Variants in GRM3 observed in about 807,000 individuals in gnomAD.
The protein encoded by GRM3 is metabotropic glutamate receptor 3.
A neutral mutation model predicts 70.5 loss-of-function variants in GRM3; 26 were observed. The ratio of observed to expected loss-of-function variants is 0.37; its 90% CI spans 0.27 to 0.51. The LOEUF is 0.51. Ranked by LOEUF, GRM3 falls within the 20% of genes least tolerant of loss-of-function variation. The pLI, the probability that GRM3 is intolerant of heterozygous loss-of-function variation, is 0.93. For missense variants in GRM3, 859 were observed against 1,123.8 expected (o/e 0.76, Z 3.37); for synonymous variants, 443 against 434.9 (o/e 1.02, Z -0.23).
At chr7:86,805,709 T>A (rs187677617) in intron 3 of GRM3, among the ~76,000 whole-genome samples, 1 of 152,320 alleles carries the variant, frequency 6.6e-6, no homozygotes, top group East Asian at 1.9e-4. Context: ...AGTTTGCTTC[T>A]TTCAATTAGC....
intron 3 of GRM3, among the ~76,000 whole-genome samples, chr7:86,821,934 A>G (rs1798129333): frequency 1.3e-5 from 2 of 151,638 alleles, no homozygotes; most frequent in Admixed American, 6.6e-5. Context: ...CATCTGGCTT[A>G]GAGCAACTTT....
rs67046105 is a variant in GRM3 at position 86,801,064 on chromosome 7, CTTTTTT to C, written c.1324+13967_1324+13972del. ...TATGTTTTACCACGGCAAACTTCTTCTTTTTTTTTTTTTTTTTTTTTTTTGAGACAC... is the reference window on the plus strand; with the variant it reads ...TATGTTTTACCACGGCAAACTTCTTCTTTTTTTTTTTTTTTTTTGAGACAC... On this transcript the variant is annotated intron_variant, in intron 3 of 5. Transcript: ENST00000361669. Among the ~76,000 whole-genome samples, 3 of 86,826 alleles carry C rather than the reference CTTTTTT, an allele frequency of 3.5e-5. No homozygotes were observed. The South Asian group carries it at 1.3e-3, about 36-fold the overall frequency. The allele number at this position is 86,826 out of a possible 152,430, so 57.0% of individuals were successfully genotyped here.
In GRM3 at chr7:86,710,849, G is replaced by A. The variant is rs113497885; in HGVS notation, c.-140-54157G>A. On this transcript the variant is annotated intron_variant, in intron 1 of 5. Coordinates refer to ENST00000361669, the MANE Select transcript of GRM3 (RefSeq NM_000840.3). ...GTCAAATATAACAATAAACCAAAAG[G>A]TAGATTGTTATTATTATTATCTACA... is the stretch of plus-strand genomic sequence containing the variant. Among the ~76,000 whole-genome samples, 934 of 151,982 alleles carry A rather than the reference G, an allele frequency of 6.1e-3. 11 individuals carry two copies. The highest frequency in any genetic ancestry group is 0.021 in the African/African-American group (879 of 41,464).
chr7:86,771,249 A>G (rs1796732265), intron 2 of GRM3, among the ~76,000 whole-genome samples: 1 of 152,106 alleles, frequency 6.6e-6, no homozygotes, highest in Admixed American at 6.6e-5. Flanking sequence ...TAACATTATA[A>G]TTATATGTCA....
At chr7:86,795,253 T>TTTTTA (rs67329784) in intron 3 of GRM3, among the ~76,000 whole-genome samples, 11,492 of 123,934 alleles carry the variant, frequency 0.093, 906 homozygotes, top group East Asian at 0.14. Flanking sequence ...TCTAGGTTAG[T>TTTTTA]TTTTATTTTA....
chr7:86,651,515 T>C (rs1793605311), intron 1 of GRM3, among the ~76,000 whole-genome samples: 1 of 152,240 alleles, frequency 6.6e-6, no homozygotes, highest in South Asian at 2.1e-4. Flanking sequence ...TTGGAATTTA[T>C]ATCTGCCTCA....
At chr7:86,650,207 T>C (rs561035579) in intron 1 of GRM3, among the ~76,000 whole-genome samples, 3 of 152,240 alleles carry the variant, frequency 2.0e-5, no homozygotes, top group Non-Finnish European at 2.9e-5. Flanking sequence ...CCTCATTTTA[T>C]ACAGAAGAGG....
chr7:86,790,368 A>G (rs767644939), intron 3 of GRM3, among the ~76,000 whole-genome samples: 1 of 152,140 alleles, frequency 6.6e-6, no homozygotes, highest in Non-Finnish European at 1.5e-5. Context: ...ATGACTTATC[A>G]TCTTCTCAAC....
intron 1 of GRM3, among the ~76,000 whole-genome samples, chr7:86,709,863 G>A (rs1417332379): frequency 1.3e-5 from 2 of 152,082 alleles, no homozygotes; most frequent in Non-Finnish European, 2.9e-5. Flanking sequence ...AGACAAGAGT[G>A]GAAGAGAGAC....
chr7:86,692,909 A>G (rs772283302), intron 1 of GRM3, among the ~76,000 whole-genome samples: 4 of 152,024 alleles, frequency 2.6e-5, no homozygotes, highest in Non-Finnish European at 1.5e-5. Flanking sequence ...ATGAAAAGAC[A>G]TTTTATTTTG....
At chr7:86,694,141 T>C (rs896065256) in intron 1 of GRM3, among the ~76,000 whole-genome samples, 3 of 152,168 alleles carry the variant, frequency 2.0e-5, no homozygotes, top group African/African-American at 4.8e-5. Flanking sequence ...CTCACTTAGA[T>C]GCATACAGTT....
At chr7:86,809,426 T>C (rs983400258) in intron 3 of GRM3, among the ~76,000 whole-genome samples, 6 of 152,044 alleles carry the variant, frequency 3.9e-5, no homozygotes, top group African/African-American at 1.4e-4. Flanking sequence ...GATAATAGGA[T>C]ATTATTCTCT....
At chr7:86,659,297 C>T (rs985936398) in intron 1 of GRM3, among the ~76,000 whole-genome samples, 1 of 152,134 alleles carries the variant, frequency 6.6e-6, no homozygotes, top group African/African-American at 2.4e-5. Context: ...TTGTGAATAA[C>T]AATAATTTTT....
chr7:86,859,296 T>TC (rs1798910141), intron 5 of GRM3, among the ~76,000 whole-genome samples: 2 of 152,116 alleles, frequency 1.3e-5, no homozygotes, highest in Non-Finnish European at 2.9e-5. Context: ...TTATTTGCCT[T>TC]CCCCTGTGAA....
intron 1 of GRM3, among the ~76,000 whole-genome samples, chr7:86,726,262 G>A (rs1795591199): frequency 6.6e-6 from 1 of 152,110 alleles, no homozygotes; most frequent in African/African-American, 2.4e-5. Context: ...CCAAAGTGTG[G>A]GCAGAGGCCA....
chr7:86,844,060 T>C (rs978702472), intron 4 of GRM3, among the ~76,000 whole-genome samples: 9 of 152,086 alleles, frequency 5.9e-5, no homozygotes, highest in African/African-American at 2.2e-4. Context: ...CTAGATTCTT[T>C]TGGGGGTTGG....
intron 1 of GRM3, among the ~76,000 whole-genome samples, chr7:86,758,268 TA>T: frequency 6.6e-6 from 1 of 152,272 alleles, no homozygotes; most frequent in Admixed American, 6.5e-5. Flanking sequence ...AATATCCTCC[TA>T]AAAATGGTAT....
chr7:86,838,268 T>C (rs1349736174), intron 3 of GRM3, among the ~76,000 whole-genome samples: 7 of 152,220 alleles, frequency 4.6e-5, no homozygotes. Context: ...AATATTAAAC[T>C]ATCAGAGTTG....
intron 3 of GRM3, among the ~76,000 whole-genome samples, chr7:86,811,252 G>A (rs1054927815): frequency 4.6e-5 from 7 of 151,706 alleles, no homozygotes; most frequent in Non-Finnish European, 1.0e-4. Flanking sequence ...TTTTGCTGAA[G>A]GGCTGGAAAA....
Sources: allele counts gnomAD v4.1 joint callset (sites outside exome capture counted in the v4.1 genomes callset), GRCh38; gene constraint gnomAD v4.1.1; transcripts MANE v1.5; gene names NCBI Gene and HGNC (gene_info 2026-07-23, HGNC 2026-07-21).